Variants in ADGRV1 observed in about 807,000 individuals in gnomAD.
ADGRV1 encodes the protein adhesion G protein-coupled receptor V1, also known as G-protein coupled receptor 98.
ADGRV1 carries 359 observed loss-of-function variants against 596.2 expected under a neutral mutation model. The observed-to-expected ratio is 0.60, with a 90% CI of 0.55 to 0.66. ADGRV1 has a LOEUF of 0.66. ADGRV1 is among the 30% of genes least tolerant of loss of function. The probability of loss-of-function intolerance (pLI) is 0.00; values close to 1 mark genes in which losing one functional copy is unlikely to be tolerated. For synonymous variants in ADGRV1, 2,681 were observed against 2,679.2 expected, an observed-to-expected ratio of 1.00 and a Z score of -0.02; for missense variants, 7,274 against 7,575.6, an observed-to-expected ratio of 0.96 and a Z score of 1.48.
chr5:90,993,220 G>A (rs766923107), intron 85 of ADGRV1, among the ~76,000 whole-genome samples: 4 of 145,694 alleles, frequency 2.7e-5, no homozygotes, highest in Middle Eastern at 3.5e-3. Flanking sequence ...GTGCAGTGGC[G>A]TGATCCTGGT....
chr5:90,701,578 G>T (rs1374076101), intron 34 of ADGRV1, among the ~76,000 whole-genome samples: 1 of 151,806 alleles, frequency 6.6e-6, no homozygotes, highest in Admixed American at 6.6e-5. Context: ...TTCTCTATGT[G>T]CGTGTGTGTG....
At chr5:90,682,450 A>G (rs1745065352) in intron 27 of ADGRV1, among the ~76,000 whole-genome samples, 1 of 152,224 alleles carries the variant, frequency 6.6e-6, no homozygotes, top group Admixed American at 6.5e-5. Context: ...GTGAACTGGC[A>G]ATAACAATAA....
At chr5:90,788,409 G>A in intron 68 of ADGRV1, 99 bp downstream of exon 68, 4 of 1,215,348 alleles carry the variant, frequency 3.3e-6, no homozygotes, top group Non-Finnish European at 4.4e-6. Flanking sequence ...GTGATAAATT[G>A]GAAATTATAA....
chr5:90,912,228 A>G (rs1361698016), intron 83 of ADGRV1, among the ~76,000 whole-genome samples: 1 of 152,102 alleles, frequency 6.6e-6, no homozygotes, highest in African/African-American at 2.4e-5. Flanking sequence ...CAGAAAGGCT[A>G]TTGCAGTGTG....
chr5:91,075,134 T>C (rs1167000169), intron 86 of ADGRV1, among the ~76,000 whole-genome samples: 1 of 152,164 alleles, frequency 6.6e-6, no homozygotes, highest in Non-Finnish European at 1.5e-5. Context: ...TTCTGTAGGT[T>C]GCCTTTTTAC....
chr5:90,569,127 C>T (rs2151950939), intron 1 of ADGRV1, among the ~76,000 whole-genome samples: 2 of 151,950 alleles, frequency 1.3e-5, no homozygotes, highest in Admixed American at 1.3e-4. Context: ...CAAACTTATC[C>T]TTTTATCAGG....
chr5:90,809,059 G>A (rs1023575824), intron 73 of ADGRV1, among the ~76,000 whole-genome samples: 1 of 150,338 alleles, frequency 6.7e-6, no homozygotes, highest in Non-Finnish European at 1.5e-5. Flanking sequence ...CCATTCTCCT[G>A]CCTCAGCCTC....
chr5:90,974,314 A>G lies in ADGRV1; in HGVS notation c.17973+8783A>G, dbSNP rs536400671. On this transcript the variant is annotated intron_variant, in intron 84 of 89. Coordinates refer to ENST00000405460, the MANE Select transcript of ADGRV1 (RefSeq NM_032119.4). The stretch of plus-strand genomic sequence containing the variant: ...GATTCAATGCCATCCCCATCAAGCT[A>G]CCAATGACTTTCTTCACAGAATTGG... 3.5e-3 allele frequency among the ~76,000 whole-genome samples: 540 copies of G among 152,316 alleles called. 5 individuals carry two copies. Among genetic ancestry groups the G allele is most frequent in the African/African-American group, 0.013 (522 of 41,552 alleles).
At chr5:91,138,036 G>A (rs1176436722) in intron 87 of ADGRV1, among the ~76,000 whole-genome samples, 1 of 152,098 alleles carries the variant, frequency 6.6e-6, no homozygotes, top group African/African-American at 2.4e-5. Flanking sequence ...GTCGTTGCCG[G>A]TTGAGTGAAA....
chr5:90,715,879 G>T (rs10080113), intron 42 of ADGRV1, among the ~76,000 whole-genome samples: 18,730 of 151,984 alleles, frequency 0.12, 3,350 homozygotes, highest in African/African-American at 0.4. Context: ...GTTAATATAG[G>T]TTAAGCAATT....
intron 15 of ADGRV1, among the ~76,000 whole-genome samples, chr5:90,645,423 A>T (rs34774423): frequency 0.071 from 10,781 of 152,172 alleles, 435 homozygotes; most frequent in Non-Finnish European, 0.091. Flanking sequence ...GTTCACAGGG[A>T]TGACGTGAAA....
Position 90,777,864 on chromosome 5 carries a change from C to T in ADGRV1, c.12528-41C>T, listed in dbSNP as rs530325848. On this transcript the variant is annotated intron_variant, in intron 61 of 89. Coordinates refer to ENST00000405460, the MANE Select transcript of ADGRV1 (RefSeq NM_032119.4). Reference sequence around the variant, plus strand: ...AGAAAATGTTTAAGAAAAGTACCTTCAACTGAAATGTATTGGATATACATT... The same window carrying T: ...AGAAAATGTTTAAGAAAAGTACCTTTAACTGAAATGTATTGGATATACATT... The T allele has an allele frequency of 2.2e-4, 322 of 1,490,810 alleles. 1 individual carries two copies. The highest frequency in any genetic ancestry group is 2.8e-4 in the Non-Finnish European group (305 of 1,108,538). 92.3% of individuals were successfully genotyped at this position (1,490,810 alleles called of 1,614,324 possible). A position where few individuals can be genotyped will look rare whatever the true frequency, so the allele number is the denominator to read the frequency against.
intron 85 of ADGRV1, among the ~76,000 whole-genome samples, chr5:91,052,921 G>T (rs1336891317): frequency 1.3e-5 from 2 of 152,138 alleles, no homozygotes; most frequent in African/African-American, 4.8e-5. Flanking sequence ...TCAGTTTGCT[G>T]ATCTACTCAA....
intron 87 of ADGRV1, among the ~76,000 whole-genome samples, chr5:91,110,427 C>T (rs1362529425): frequency 6.6e-6 from 1 of 152,158 alleles, no homozygotes; most frequent in African/African-American, 2.4e-5. Flanking sequence ...CAGCGCTAGA[C>T]CTGCAGCCAT....
intron 1 of ADGRV1, among the ~76,000 whole-genome samples, chr5:90,585,631 A>G (rs1758655130): frequency 6.6e-6 from 1 of 152,194 alleles, no homozygotes; most frequent in African/African-American, 2.4e-5. Flanking sequence ...GGGGAAGGGG[A>G]GCCCAGGAGT....
intron 29 of ADGRV1, among the ~76,000 whole-genome samples, chr5:90,688,615 A>G (rs1011374882): frequency 1.3e-5 from 2 of 152,172 alleles, no homozygotes. Context: ...TTGGCCTCCC[A>G]AAGTGCTGGT....
At chr5:91,065,778 T>C (rs562919273) in intron 85 of ADGRV1, among the ~76,000 whole-genome samples, 3 of 152,226 alleles carry the variant, frequency 2.0e-5, no homozygotes, top group African/African-American at 7.2e-5. Flanking sequence ...AGTTAAAGCA[T>C]TGGGAATGCT....
intron 86 of ADGRV1, among the ~76,000 whole-genome samples, chr5:91,086,219 C>T (rs911998246): frequency 6.6e-6 from 1 of 152,178 alleles, no homozygotes; most frequent in East Asian, 1.9e-4. Context: ...TGATAATTTT[C>T]AGATCTATCA....
At chr5:90,647,128 A>C (rs1767909606) in intron 16 of ADGRV1, among the ~76,000 whole-genome samples, 1 of 152,172 alleles carries the variant, frequency 6.6e-6, no homozygotes, top group South Asian at 2.1e-4. Context: ...CCTTATGTTC[A>C]ACCTTCTGGT....
Sources: gnomAD v4.1 joint callset for allele counts (sites outside exome capture counted in the v4.1 genomes callset) on GRCh38, gnomAD v4.1.1 for gene constraint, MANE v1.5 for transcripts, NCBI Gene and HGNC (gene_info 2026-07-23, HGNC 2026-07-21) for gene names.